The following TACR3 variants were observed in gnomAD, a reference collection of about 807,000 sequenced individuals.
TACR3 encodes neuromedin-K receptor.
TACR3 carries 34 observed loss-of-function variants against 35.0 expected under a neutral mutation model. That is an observed-to-expected ratio of 0.97 (90% confidence interval 0.74 to 1.30). The LOEUF (loss-of-function observed/expected upper bound fraction) is 1.30, where lower values mean the gene tolerates loss of function less well. TACR3 is among the 50% of genes most tolerant of loss of function. The pLI is 0.00. For synonymous variants in TACR3, 233 were observed against 221.1 expected, an observed-to-expected ratio of 1.05 and a Z score of -0.48; for missense variants, 558 against 591.7, an observed-to-expected ratio of 0.94 and a Z score of 0.59.
chr4:103,695,345 T>C (rs538574538), intron 1 of TACR3, among the ~76,000 whole-genome samples: 144 of 152,096 alleles, frequency 9.5e-4, no homozygotes, highest in Non-Finnish European at 1.2e-3. Flanking sequence ...TGCTATCCCT[T>C]AGACAGCAAG....
chr4:103,608,398 G>GACT (rs1724433752), intron 3 of TACR3, among the ~76,000 whole-genome samples: 1 of 151,998 alleles, frequency 6.6e-6, no homozygotes, highest in Non-Finnish European at 1.5e-5. Context: ...AGATACTGTA[G>GACT]ACTACTAGAG....
chr4:103,712,211 A>C lies in TACR3; in HGVS notation c.548+6917T>G, dbSNP rs972460426. 7.2e-5 allele frequency among the ~76,000 whole-genome samples: 11 copies of C among 152,338 alleles called. No homozygotes were observed. In the East Asian group the frequency reaches 2.1e-3, roughly 29 times the overall value. ...AAGTCAATCCTTAGCCAAAAGAACA[A>C]AGCTGGAGGCATCACGCTACCTGAC... On this transcript the variant is annotated intron_variant, in intron 1 of 4. Coordinates refer to ENST00000304883, the MANE Select transcript of TACR3 (RefSeq NM_001059.3).
Position 103,629,695 on chromosome 4 carries a change from C to T in TACR3, c.888+26499G>A, listed in dbSNP as rs551853418. 1.8e-4 allele frequency among the ~76,000 whole-genome samples: 27 copies of T among 151,920 alleles called. No homozygotes were observed. In the South Asian group the frequency reaches 1.9e-3, roughly 11 times the overall value. ...GCTCATGGGTAGGAAGAATTAATAT[C>T]GTGAAAATGGCCATACTGCCCAAGG... On this transcript the variant is annotated intron_variant, in intron 3 of 4. Transcript: ENST00000304883.
chr4:103,695,157 G>A (rs1427997696), intron 1 of TACR3, among the ~76,000 whole-genome samples: 1 of 152,048 alleles, frequency 6.6e-6, no homozygotes, highest in East Asian at 1.9e-4. Context: ...AAAATAACTG[G>A]TATACTTTTA....
chr4:103,676,112 G>A (rs1051368987), intron 1 of TACR3, among the ~76,000 whole-genome samples: 24 of 152,140 alleles, frequency 1.6e-4, no homozygotes, highest in Admixed American at 1.2e-3. Context: ...AATGAGCTAC[G>A]AGAGGAAAAA....
rs1449708476 is a variant in TACR3 at position 103,586,404 on chromosome 4, A to G, written c.*3278T>C. 6 of 152,066 alleles carry G rather than the reference A, an allele frequency of 3.9e-5. No individual in the cohort carries two copies. The highest frequency in any genetic ancestry group is 8.8e-5 in the Non-Finnish European group (6 of 67,994). 9.4% of individuals were successfully genotyped at this position (152,066 alleles called of 1,614,324 possible). A position where few individuals can be genotyped will look rare whatever the true frequency, so the allele number is the denominator to read the frequency against. On this transcript the variant is annotated 3_prime_UTR_variant, in exon 5 of 5. Transcript: ENST00000304883. ...ATAAGTAGGAAATTGTTACTGTTAG[A>G]AGTGTGAGAAATGTTTGTAAGTCTC...
intron 3 of TACR3, among the ~76,000 whole-genome samples, chr4:103,644,215 C>G (rs990584921): frequency 1.3e-5 from 2 of 151,602 alleles, no homozygotes; most frequent in Admixed American, 1.3e-4. Context: ...GATTGCAAGT[C>G]GTACCATGAG....
At chr4:103,629,156 AT>A (rs1288695244) in intron 3 of TACR3, among the ~76,000 whole-genome samples, 2 of 152,300 alleles carry the variant, frequency 1.3e-5, no homozygotes, top group Non-Finnish European at 1.5e-5. Flanking sequence ...AATCAGAGCT[AT>A]TTATGACAAA....
intron 3 of TACR3, among the ~76,000 whole-genome samples, chr4:103,598,577 AT>A (rs774226653): frequency 6.6e-6 from 1 of 152,080 alleles, no homozygotes; most frequent in Admixed American, 6.6e-5. Flanking sequence ...TAGGGTTTTT[AT>A]GGTTTTAGGT....
intron 3 of TACR3, among the ~76,000 whole-genome samples, chr4:103,627,352 TAAAAAAAAAAA>T (rs869215834): frequency 7.3e-5 from 6 of 82,474 alleles, no homozygotes; most frequent in Non-Finnish European, 1.5e-4. Context: ...GTGTTTCCAT[TAAAAAAAAAAA>T]AAAAAAAAAA....
chr4:103,596,672 G>C (rs974669300), intron 3 of TACR3, among the ~76,000 whole-genome samples: 4 of 151,536 alleles, frequency 2.6e-5, no homozygotes, highest in Admixed American at 6.6e-5. Flanking sequence ...GTTACATATG[G>C]ATACATGTCC....
At chr4:103,711,973 C>T (rs1227631961) in intron 1 of TACR3, among the ~76,000 whole-genome samples, 1 of 152,076 alleles carries the variant, frequency 6.6e-6, no homozygotes, top group Non-Finnish European at 1.5e-5. Flanking sequence ...AACTACAAAC[C>T]ACTGCTCAAT....
At chr4:103,642,597 A>G (rs544321106) in intron 3 of TACR3, among the ~76,000 whole-genome samples, 1 of 151,958 alleles carries the variant, frequency 6.6e-6, no homozygotes, top group South Asian at 2.1e-4. Flanking sequence ...ATATGTGGGA[A>G]CTATATGAAA....
chr4:103,665,660 T>C (rs1725922700), intron 1 of TACR3, among the ~76,000 whole-genome samples: 1 of 152,102 alleles, frequency 6.6e-6, no homozygotes, highest in Admixed American at 6.6e-5. Context: ...AGTCACAAAA[T>C]AGGTTAGAAA....
At position 103,684,987 on chromosome 4, in the gene TACR3, TTAAATAAA is replaced by T. The variant is rs146299787; in HGVS notation, c.549-26592_549-26585del. Among the ~76,000 whole-genome samples the T allele has an allele frequency of 3.2e-3, 451 of 142,116 alleles. 6 individuals carry two copies. Among genetic ancestry groups the T allele is most frequent in the East Asian group, 0.031 (150 of 4,828 alleles). 93.2% of individuals were successfully genotyped at this position (142,116 alleles called of 152,430 possible). A position where few individuals can be genotyped will look rare whatever the true frequency, so the allele number is the denominator to read the frequency against. On this transcript the variant is annotated intron_variant, in intron 1 of 4. Transcript: ENST00000304883. ...GACAGAGCAAGGCTCCATCTCAAAA[TTAAATAAA>T]TAAATAAATAAATAAATAAATAAAT...
intron 3 of TACR3, among the ~76,000 whole-genome samples, chr4:103,620,769 C>A (rs1490466265): frequency 1.3e-5 from 2 of 152,168 alleles, no homozygotes; most frequent in African/African-American, 2.4e-5. Context: ...ATTTAAAAAA[C>A]TACCCATTGA....
chr4:103,674,056 C>T (rs1348685986), intron 1 of TACR3, among the ~76,000 whole-genome samples: 2 of 152,122 alleles, frequency 1.3e-5, no homozygotes, highest in African/African-American at 4.8e-5. Flanking sequence ...GTGAAAGAAA[C>T]TCCCAGGTAG....
chr4:103,594,981 G>T (rs1405607099), intron 3 of TACR3, among the ~76,000 whole-genome samples: 1 of 152,064 alleles, frequency 6.6e-6, no homozygotes, highest in Non-Finnish European at 1.5e-5. Context: ...GAACTCTCTG[G>T]ACTCTAGTTT....
chr4:103,702,144 T>C (rs923663534), intron 1 of TACR3, among the ~76,000 whole-genome samples: 6 of 152,134 alleles, frequency 3.9e-5, no homozygotes, highest in Admixed American at 2.0e-4. Context: ...TTTTCGCAAC[T>C]TACTCATCTG....
Sources: allele counts gnomAD v4.1 joint callset (sites outside exome capture counted in the v4.1 genomes callset), GRCh38; gene constraint gnomAD v4.1.1; transcripts MANE v1.5; gene names NCBI Gene and HGNC (gene_info 2026-07-23, HGNC 2026-07-21).